Variants in RAB4A observed in about 807,000 individuals in gnomAD.
The protein encoded by RAB4A is ras-related protein Rab-4A.
A neutral mutation model predicts 34.5 loss-of-function variants in RAB4A; 20 were observed. The ratio of observed to expected loss-of-function variants is 0.58; its 90% CI spans 0.41 to 0.84. RAB4A has a LOEUF of 0.84. Among genes scored for constraint, RAB4A ranks in the 40% least tolerant of loss-of-function variants. The pLI is 0.00. For synonymous variants in RAB4A, 102 were observed against 100.0 expected (o/e 1.02, Z -0.12); for missense variants, 228 against 274.5 (o/e 0.83, Z 1.20).
intron 6 of RAB4A, among the ~76,000 whole-genome samples, chr1:229,302,614 G>C (rs1657443229): frequency 6.6e-6 from 1 of 151,320 alleles, no homozygotes; most frequent in African/African-American, 2.4e-5. Context: ...GCAATGAAAA[G>C]TCCCCCTGTT....
intron 3 of RAB4A, among the ~76,000 whole-genome samples, chr1:229,294,668 C>G (rs548807145): frequency 6.6e-6 from 1 of 152,102 alleles, no homozygotes; most frequent in Non-Finnish European, 1.5e-5. Flanking sequence ...GGGGAAACCC[C>G]GTCTGTACTA....
chr1:229,302,813 C>A, intron 6 of RAB4A, 49 bp from the exon 7 acceptor site: 10 of 1,268,794 alleles, frequency 7.9e-6, no homozygotes, highest in South Asian at 2.6e-5. Flanking sequence ...TTTTTGGAAT[C>A]AAAGAAACAT....
chr1:229,291,088 T>C (rs1657057887), intron 3 of RAB4A, among the ~76,000 whole-genome samples: 1 of 152,220 alleles, frequency 6.6e-6, no homozygotes, highest in African/African-American at 2.4e-5. Flanking sequence ...GGAATTGCTT[T>C]GCACCCTTCC....
At chr1:229,294,786 C>T (rs1308127041) in intron 3 of RAB4A, among the ~76,000 whole-genome samples, 2 of 152,068 alleles carry the variant, frequency 1.3e-5, no homozygotes, top group African/African-American at 4.8e-5. Context: ...GCTGAGATCG[C>T]GCCATTGCAC....
At chr1:229,291,407 G>A (rs923080050) in intron 3 of RAB4A, among the ~76,000 whole-genome samples, 1 of 152,180 alleles carries the variant, frequency 6.6e-6, no homozygotes, top group African/African-American at 2.4e-5. Flanking sequence ...GGACAGTGAG[G>A]GAAGACTAAG....
intron 1 of RAB4A, among the ~76,000 whole-genome samples, chr1:229,272,895 T>G (rs1656532549): frequency 6.6e-6 from 1 of 152,232 alleles, no homozygotes; most frequent in Admixed American, 6.5e-5. Context: ...TAGGAAATCC[T>G]CCAGTAAGTC....
At chr1:229,291,303 G>A (rs1482984077) in intron 3 of RAB4A, among the ~76,000 whole-genome samples, 1 of 152,186 alleles carries the variant, frequency 6.6e-6, no homozygotes, top group Non-Finnish European at 1.5e-5. Flanking sequence ...AGAAAGTTTA[G>A]GAGGATATAC....
intron 6 of RAB4A, among the ~76,000 whole-genome samples, chr1:229,299,886 A>G (rs985107528): frequency 6.6e-6 from 1 of 152,130 alleles, no homozygotes; most frequent in Non-Finnish European, 1.5e-5. Context: ...CAGCCAGAGG[A>G]TAGAGGAGGT....
chr1:229,271,908 C>T (rs556527665), intron 1 of RAB4A, among the ~76,000 whole-genome samples: 1 of 152,028 alleles, frequency 6.6e-6, no homozygotes, highest in African/African-American at 2.4e-5. Flanking sequence ...TCGTTTATTT[C>T]TCCCTCCCTC....
intron 3 of RAB4A, among the ~76,000 whole-genome samples, chr1:229,293,293 A>G (rs1657142364): frequency 6.6e-6 from 1 of 152,136 alleles, no homozygotes; most frequent in Admixed American, 6.5e-5. Flanking sequence ...AACATTATCC[A>G]TTGATGATTG....
intron 1 of RAB4A, among the ~76,000 whole-genome samples, chr1:229,276,780 A>G (rs1250416989): frequency 6.6e-6 from 1 of 151,150 alleles, no homozygotes; most frequent in Non-Finnish European, 1.5e-5. Flanking sequence ...ACATGATTAA[A>G]AGGTAAGCAA....
At chr1:229,302,297 ATATATATATATATTTTTTTT>A (rs1657424920) in intron 6 of RAB4A, among the ~76,000 whole-genome samples, 1 of 28,378 alleles carries the variant, frequency 3.5e-5, no homozygotes, top group Non-Finnish European at 6.7e-5. Context: ...ATATATATAT[ATATATATATATATTTTTTTT>A]TTTTTTTTAC....
intron 3 of RAB4A, among the ~76,000 whole-genome samples, chr1:229,292,939 C>T (rs551633427): frequency 5.8e-4 from 88 of 152,296 alleles, no homozygotes; most frequent in African/African-American, 2.0e-3. Context: ...CTGCCACCCC[C>T]GCTTCAGACA....
chr1:229,292,669 A>G (rs1416303819), intron 3 of RAB4A, among the ~76,000 whole-genome samples: 2 of 152,212 alleles, frequency 1.3e-5, no homozygotes, highest in Non-Finnish European at 1.5e-5. Context: ...AGTACATTTA[A>G]AAGTAGCTCT....
At chr1:229,292,995 A>G (rs1657134762) in intron 3 of RAB4A, among the ~76,000 whole-genome samples, 1 of 152,150 alleles carries the variant, frequency 6.6e-6, no homozygotes, top group Non-Finnish European at 1.5e-5. Context: ...TCTTGGCCAA[A>G]TACAGATCTG....
Position 229,295,841 on chromosome 1 carries a change from C to G in RAB4A, c.228-7C>G. 1 of 1,613,888 alleles carries G rather than the reference C, an allele frequency of 6.2e-7. No homozygotes were observed. The highest frequency in any genetic ancestry group is 1.7e-4 in the Middle Eastern group (1 of 6,060). ...GGTTGAAAGTAAAACCAGTATAATT[C>G]TTCCAGGTCCGTGACGAGAAGTTAT... On this transcript the variant is annotated splice_region_variant and splice_polypyrimidine_tract_variant and intron_variant, in intron 3 of 7. Transcript: ENST00000366690.
chr1:229,287,067 A>G (rs189465424), intron 2 of RAB4A, among the ~76,000 whole-genome samples: 3 of 152,330 alleles, frequency 2.0e-5, no homozygotes, highest in Admixed American at 6.5e-5. Context: ...ATTTCAAACT[A>G]TGTGAGACCT....
chr1:229,300,820 A>AG (rs897229452), intron 6 of RAB4A, among the ~76,000 whole-genome samples: 18 of 152,320 alleles, frequency 1.2e-4, no homozygotes, highest in African/African-American at 4.3e-4. Context: ...GATCGTCCGG[A>AG]GAACAGTGTT....
At chr1:229,301,900 C>G (rs1157447976) in intron 6 of RAB4A, among the ~76,000 whole-genome samples, 1 of 151,304 alleles carries the variant, frequency 6.6e-6, no homozygotes, top group Non-Finnish European at 1.5e-5. Context: ...TAATGTCATA[C>G]ATAATGTGTG....
Sources: gnomAD v4.1 joint callset for allele counts (sites outside exome capture counted in the v4.1 genomes callset) on GRCh38, gnomAD v4.1.1 for gene constraint, MANE v1.5 for transcripts, NCBI Gene and HGNC (gene_info 2026-07-23, HGNC 2026-07-21) for gene names.